The following DGKI variants were observed in gnomAD, a reference collection of about 807,000 sequenced individuals.
DGKI encodes the protein diacylglycerol kinase iota, also known as DAG kinase iota.
A neutral mutation model predicts 147.5 loss-of-function variants in DGKI; 55 were observed. That is an observed-to-expected ratio of 0.37 (90% confidence interval 0.30 to 0.47). The LOEUF is 0.47. DGKI is among the 20% of genes least tolerant of loss of function. The pLI is 1.00. For synonymous variants in DGKI, 469 were observed against 477.1 expected (o/e 0.98, Z 0.22); for missense variants, 1,007 against 1,323.8 (o/e 0.76, Z 3.71).
At chr7:137,825,222 G>A (rs1034893005) in intron 1 of DGKI, among the ~76,000 whole-genome samples, 3 of 152,042 alleles carry the variant, frequency 2.0e-5, no homozygotes, top group Non-Finnish European at 2.9e-5. Context: ...ATTTAACAAC[G>A]AAACCCAAAA....
chr7:137,702,781 C>T (rs1398296846), intron 1 of DGKI, among the ~76,000 whole-genome samples: 1 of 152,152 alleles, frequency 6.6e-6, no homozygotes, highest in Non-Finnish European at 1.5e-5. Context: ...CTCTGAAAAC[C>T]CCCATTCCAT....
intron 3 of DGKI, among the ~76,000 whole-genome samples, chr7:137,671,905 C>T (rs270904): frequency 0.36 from 54,707 of 152,098 alleles, 9,983 homozygotes; most frequent in South Asian, 0.46. Flanking sequence ...AAAACAATAA[C>T]AAAAGCAAAG....
chr7:137,802,597 A>T (rs1366269423), intron 1 of DGKI, among the ~76,000 whole-genome samples: 3 of 152,210 alleles, frequency 2.0e-5, no homozygotes, highest in Non-Finnish European at 4.4e-5. Context: ...TTGCCCATTA[A>T]TTTGCAGAAG....
intron 12 of DGKI, 25 bp downstream of exon 12, chr7:137,597,822 A>G: frequency 1.2e-6 from 2 of 1,609,696 alleles, no homozygotes; most frequent in Non-Finnish European, 1.7e-6. Context: ...TTGGCAGAGA[A>G]CTGGATTCTC....
intron 19 of DGKI, among the ~76,000 whole-genome samples, chr7:137,568,191 ACT>A (rs1818656678): frequency 6.6e-6 from 1 of 152,082 alleles, no homozygotes; most frequent in Non-Finnish European, 1.5e-5. Flanking sequence ...ACCTGTGATC[ACT>A]CTCTCTTTTC....
chr7:137,843,795 A>ACACACACACACC (rs1554488531), intron 1 of DGKI, among the ~76,000 whole-genome samples: 6 of 141,908 alleles, frequency 4.2e-5, no homozygotes, highest in East Asian at 4.0e-4. Flanking sequence ...ACACACACAC[A>ACACACACACACC]CCCTCTCTCC....
intron 1 of DGKI, chr7:137,722,665 C>G (rs1006906544): frequency 1.3e-6 from 2 of 1,583,458 alleles, no homozygotes; most frequent in African/African-American, 2.7e-5. Flanking sequence ...GAAGCCCAGA[C>G]ACCAGGAAGG....
At chr7:137,595,683 G>C (rs368693837) in intron 12 of DGKI, among the ~76,000 whole-genome samples, 1 of 152,064 alleles carries the variant, frequency 6.6e-6, no homozygotes, top group Non-Finnish European at 1.5e-5. Context: ...ACCTAGCACA[G>C]TGCTTCCTCC....
intron 11 of DGKI, 70 bp from the exon 12 acceptor site, chr7:137,597,977 GA>G (rs1308575996): frequency 1.4e-6 from 2 of 1,402,596 alleles, no homozygotes; most frequent in African/African-American, 2.8e-5. Context: ...GAAAGCAGAG[GA>G]CAACATGGGT....
chr7:137,533,958 A>G (rs1271557642), intron 20 of DGKI, among the ~76,000 whole-genome samples: 1 of 152,148 alleles, frequency 6.6e-6, no homozygotes, highest in Admixed American at 6.6e-5. Flanking sequence ...AATTAAATGT[A>G]GCATCAACGA....
intron 1 of DGKI, among the ~76,000 whole-genome samples, chr7:137,834,297 C>G (rs1244533228): frequency 4.6e-5 from 7 of 152,156 alleles, no homozygotes; most frequent in African/African-American, 1.7e-4. Flanking sequence ...CTTGATTTCA[C>G]CATCTATATA....
chr7:137,404,814 G>C (rs1811880918), intron 30 of DGKI, among the ~76,000 whole-genome samples: 1 of 124,504 alleles, frequency 8.0e-6, no homozygotes, highest in African/African-American at 3.1e-5. Context: ...CATTTGGGCG[G>C]AGTGGTATTG....
At position 137,487,577 on chromosome 7, in the gene DGKI, G is replaced by A. The variant is rs1223710916; in HGVS notation, c.2328+33C>T. 5 of 1,568,696 alleles carry A rather than the reference G, an allele frequency of 3.2e-6. No individual in the cohort carries two copies. The African/African-American group carries it at 6.8e-5, about 21-fold the overall frequency. Reference sequence around the variant, plus strand: ...TAATTGTTTACAAAAATGGAAAGTTGAGGAGAATAAAAAATTGGCTAAATA... The same window carrying A: ...TAATTGTTTACAAAAATGGAAAGTTAAGGAGAATAAAAAATTGGCTAAATA... On this transcript the variant is annotated intron_variant, in intron 22 of 32. Transcript: ENST00000614521.
chr7:137,662,356 G>A (rs1039588758), intron 3 of DGKI, among the ~76,000 whole-genome samples: 1 of 149,936 alleles, frequency 6.7e-6, no homozygotes, highest in Non-Finnish European at 1.5e-5. Flanking sequence ...CCATTCTCCT[G>A]CCTCAGCCTC....
intron 15 of DGKI, among the ~76,000 whole-genome samples, chr7:137,579,149 A>AT (rs1271968285): frequency 6.6e-6 from 1 of 151,934 alleles, no homozygotes; most frequent in African/African-American, 2.4e-5. Context: ...ATCCAAGCTT[A>AT]TTTTTTTCAC....
chr7:137,557,718 C>T (rs1818273732), intron 19 of DGKI, among the ~76,000 whole-genome samples: 1 of 152,138 alleles, frequency 6.6e-6, no homozygotes, highest in Non-Finnish European at 1.5e-5. Context: ...CCAGGCGAAC[C>T]TGTCCCTGTG....
intron 6 of DGKI, among the ~76,000 whole-genome samples, chr7:137,628,169 C>T (rs1387766675): frequency 3.3e-5 from 5 of 152,144 alleles, no homozygotes; most frequent in African/African-American, 7.2e-5. Context: ...AGCCCCACCT[C>T]GCTACTAAGT....
intron 21 of DGKI, among the ~76,000 whole-genome samples, chr7:137,502,021 C>T (rs1216958255): frequency 6.6e-6 from 1 of 152,132 alleles, no homozygotes; most frequent in East Asian, 1.9e-4. Context: ...CTTAGCCTGT[C>T]GCCATTCACA....
chr7:137,781,320 A>G (rs1796513385), intron 1 of DGKI, among the ~76,000 whole-genome samples: 1 of 152,228 alleles, frequency 6.6e-6, no homozygotes, highest in Non-Finnish European at 1.5e-5. Context: ...TGAGACCCTT[A>G]GCAATGGGGG....
Sources: allele counts gnomAD v4.1 joint callset (sites outside exome capture counted in the v4.1 genomes callset), GRCh38; gene constraint gnomAD v4.1.1; transcripts MANE v1.5; gene names NCBI Gene and HGNC (gene_info 2026-07-23, HGNC 2026-07-21).